The following ZNF710 variants were observed in gnomAD, a reference collection of about 807,000 sequenced individuals.
ZNF710 encodes the protein zinc finger protein 710.
A neutral mutation model predicts 50.6 loss-of-function variants in ZNF710; 13 were observed. The ratio of observed to expected loss-of-function variants is 0.26; its 90% CI spans 0.17 to 0.41. The LOEUF is 0.41. Ranked by LOEUF, ZNF710 falls within the 10% of genes least tolerant of loss-of-function variation. ZNF710 has a pLI of 1.00. For missense variants in ZNF710, 721 were observed against 936.6 expected (o/e 0.77, Z 3.01); for synonymous variants, 383 against 397.0 (o/e 0.96, Z 0.42).
In ZNF710 at chr15:90,059,694, A is replaced by C. The variant is rs1226066778; in HGVS notation, c.-28-7416A>C. Among the ~76,000 whole-genome samples the C allele has an allele frequency of 6.6e-6, 1 of 152,184 alleles. No individual in the cohort carries two copies. The highest frequency in any genetic ancestry group is 1.5e-5 in the Non-Finnish European group (1 of 68,024). On this transcript the variant is annotated intron_variant, in intron 1 of 4. Transcript: ENST00000268154. The surrounding 1 kb of genome is among the most constrained non-coding windows in gnomAD (Gnocchi z 4.1). The stretch of plus-strand genomic sequence containing the variant: ...CTCCTGAGGCCTGTGGGCTGGGCAG[A>C]AGTGAGACTGTGGCAAGGGGCCCCG...
intron 1 of ZNF710, among the ~76,000 whole-genome samples, chr15:90,014,357 G>C (rs1163667600): frequency 2.0e-5 from 3 of 151,794 alleles, no homozygotes; most frequent in African/African-American, 7.3e-5. Context: ...GAAGGAGAAG[G>C]GACTTCAAGA....
rs1246847098 is a variant in ZNF710, at chr15:90,034,320, TC to T, written c.-29+32707del. ...AAGAGGCTCTACACATGGTCTGCAC[TC>T]AGGAAAGGGAGGAATTCTTTGTGCT... On this transcript the variant is annotated intron_variant, in intron 1 of 4. Coordinates refer to ENST00000268154, the MANE Select transcript of ZNF710 (RefSeq NM_198526.4). This position sits in a 1 kb window ranked among gnomAD's most constrained non-coding sequence, Gnocchi z 4.0. Among the ~76,000 whole-genome samples the T allele has an allele frequency of 6.6e-6, 1 of 152,132 alleles. No homozygotes were observed. The highest frequency in any genetic ancestry group is 1.5e-5 in the Non-Finnish European group (1 of 68,024).
chr15:90,061,543 G>A (rs1323145078), intron 1 of ZNF710, among the ~76,000 whole-genome samples: 1 of 152,204 alleles, frequency 6.6e-6, no homozygotes, highest in Non-Finnish European at 1.5e-5. Flanking sequence ...ACAAGGTCCT[G>A]TTGGTTCTTC....
chr15:90,039,486 C>T (rs1045861663), intron 1 of ZNF710, among the ~76,000 whole-genome samples: 8 of 152,152 alleles, frequency 5.3e-5, no homozygotes, highest in Admixed American at 6.5e-5. Context: ...TCTTGCCCCA[C>T]GACTGGATGA....
rs962022712 is a variant in ZNF710 at position 90,024,646 on chromosome 15, T to C, written c.-29+23032T>C. The stretch of plus-strand genomic sequence containing the variant: ...CCCCAGGAACTACTCTGTCTGTGGC[T>C]TCCTTGCCATGCCCCCTCTTCCTCT... On this transcript the variant is annotated intron_variant, in intron 1 of 4. Coordinates refer to ENST00000268154, the MANE Select transcript of ZNF710 (RefSeq NM_198526.4). Among the ~76,000 whole-genome samples the C allele has an allele frequency of 2.0e-5, 3 of 152,362 alleles. No homozygotes were observed. In the East Asian group the frequency reaches 5.8e-4, roughly 29 times the overall value.
At chr15:90,072,888 C>T (rs562435724) in intron 2 of ZNF710, among the ~76,000 whole-genome samples, 183 bp from the exon 3 acceptor site, 1 of 152,260 alleles carries the variant, frequency 6.6e-6, no homozygotes, top group Non-Finnish European at 1.5e-5. Context: ...TGGCTCTGCC[C>T]CCACATTCTT....
At chr15:90,023,332 C>A (rs1334265767) in intron 1 of ZNF710, among the ~76,000 whole-genome samples, 2 of 152,220 alleles carry the variant, frequency 1.3e-5, no homozygotes, top group Admixed American at 6.5e-5. Context: ...AACACCAGCT[C>A]ATTTCCATTC....
chr15:90,047,094 G>A (rs555530823), intron 1 of ZNF710, among the ~76,000 whole-genome samples: 2 of 152,322 alleles, frequency 1.3e-5, no homozygotes, highest in South Asian at 2.1e-4. Flanking sequence ...CTGGCCTAGA[G>A]ATGAAAGAGG....
At chr15:90,047,278 CTAA>C (rs1466500519) in intron 1 of ZNF710, among the ~76,000 whole-genome samples, 1 of 152,214 alleles carries the variant, frequency 6.6e-6, no homozygotes, top group Non-Finnish European at 1.5e-5. Context: ...CTGCTGAGTG[CTAA>C]TAATAGCAGC....
At chr15:90,031,574 A>C (rs1022199899) in intron 1 of ZNF710, among the ~76,000 whole-genome samples, 1 of 152,228 alleles carries the variant, frequency 6.6e-6, no homozygotes, top group African/African-American at 2.4e-5. Flanking sequence ...TTTGCACAGC[A>C]CTTGCCCCAT....
chr15:90,065,043 A>G (rs1038931241), intron 1 of ZNF710, among the ~76,000 whole-genome samples: 1 of 152,162 alleles, frequency 6.6e-6, no homozygotes, highest in African/African-American at 2.4e-5. Context: ...AAGCACGTTT[A>G]GCCCCTGCGG....
intron 1 of ZNF710, among the ~76,000 whole-genome samples, chr15:90,005,235 C>T (rs976139863): frequency 6.6e-6 from 1 of 152,064 alleles, no homozygotes; most frequent in Non-Finnish European, 1.5e-5. Flanking sequence ...AATGAATGTA[C>T]TGGACATTAG....
rs2151520749 is a variant in ZNF710 at position 90,062,612 on chromosome 15, G to A, written c.-28-4498G>A. Among the ~76,000 whole-genome samples, 1 of 152,310 alleles carries A rather than the reference G, an allele frequency of 6.6e-6. No individual in the cohort carries two copies. The highest frequency in any genetic ancestry group is 1.5e-5 in the Non-Finnish European group (1 of 68,020). On this transcript the variant is annotated intron_variant, in intron 1 of 4. Coordinates refer to ENST00000268154, the MANE Select transcript of ZNF710 (RefSeq NM_198526.4). The surrounding 1 kb of genome is among the most constrained non-coding windows in gnomAD (Gnocchi z 5.6). ...CCTGGCAGGCTCTCTTCCTGCCCTG[G>A]ATGGCCCTGTGCCAGGACATAAACA...
intron 1 of ZNF710, among the ~76,000 whole-genome samples, chr15:90,049,769 G>A (rs938880210): frequency 1.3e-5 from 2 of 152,190 alleles, no homozygotes; most frequent in African/African-American, 4.8e-5. Flanking sequence ...CCAACAGGCT[G>A]CCTTGGCCTC....
chr15:90,012,491 C>T (rs979233685), intron 1 of ZNF710, among the ~76,000 whole-genome samples: 27 of 151,778 alleles, frequency 1.8e-4, no homozygotes, highest in Admixed American at 9.2e-4. Context: ...AGGATAGTCT[C>T]GATCCCCTGA....
intron 1 of ZNF710, among the ~76,000 whole-genome samples, chr15:90,007,238 C>A (rs565846668): frequency 2.0e-5 from 3 of 152,148 alleles, no homozygotes; most frequent in Non-Finnish European, 2.9e-5. Flanking sequence ...AAAGGTGTAA[C>A]GTTTCTGCCA....
In ZNF710 at chr15:90,062,904, C is replaced by T. The variant is rs1165894733; in HGVS notation, c.-28-4206C>T. 6.6e-6 allele frequency among the ~76,000 whole-genome samples: 1 copy of T among 152,184 alleles called. No individual in the cohort carries two copies. Among genetic ancestry groups the T allele is most frequent in the Non-Finnish European group, 1.5e-5 (1 of 68,028 alleles). ...GAACAAGACAACATGGACACGGGGC[C>T]TGCCCCCATAAGCCTCACAAAGAGA... On this transcript the variant is annotated intron_variant, in intron 1 of 4. Transcript: ENST00000268154. This position sits in a 1 kb window ranked among gnomAD's most constrained non-coding sequence, Gnocchi z 5.6.
intron 1 of ZNF710, among the ~76,000 whole-genome samples, chr15:90,041,892 A>ATTTTTTTT (rs71151548): frequency 2.7e-5 from 3 of 110,600 alleles, no homozygotes; most frequent in Non-Finnish European, 5.6e-5. Flanking sequence ...TTTGTTTTTG[A>ATTTTTTTT]TTTTTTTTTT....
At position 90,062,506 on chromosome 15, in the gene ZNF710, G is replaced by A. The variant is rs910640657; in HGVS notation, c.-28-4604G>A. Among the ~76,000 whole-genome samples the A allele has an allele frequency of 6.6e-6, 1 of 152,124 alleles. No individual in the cohort carries two copies. The highest frequency in any genetic ancestry group is 2.4e-5 in the African/African-American group (1 of 41,426). On this transcript the variant is annotated intron_variant, in intron 1 of 4. Transcript: ENST00000268154. The surrounding 1 kb of genome is among the most constrained non-coding windows in gnomAD (Gnocchi z 5.6). ...AGAGGCCCTGCTCTAAGAAGGGAGG[G>A]GCCCCAGTGGGGCCCCAGGCGGATG...
Sources: gnomAD v4.1 joint callset for allele counts (sites outside exome capture counted in the v4.1 genomes callset) on GRCh38, gnomAD v4.1.1 for gene constraint, Gnocchi (gnomAD v3.1) non-coding constraint, MANE v1.5 for transcripts, NCBI Gene and HGNC (gene_info 2026-07-23, HGNC 2026-07-21) for gene names.